The following RGS6 variants were observed in gnomAD, a reference collection of about 807,000 sequenced individuals.
RGS6 encodes the protein regulator of G-protein signaling 6.
Under a neutral mutation model 78.5 loss-of-function variants are expected in RGS6, and 30 were observed. The observed-to-expected ratio is 0.38, with a 90% CI of 0.29 to 0.52. The LOEUF (loss-of-function observed/expected upper bound fraction) is 0.52, where lower values mean the gene tolerates loss of function less well. Among genes scored for constraint, RGS6 ranks in the 20% least tolerant of loss-of-function variants. RGS6 has a pLI of 0.85. For missense variants in RGS6, 495 were observed against 609.7 expected (o/e 0.81, Z 1.98); for synonymous variants, 206 against 206.0 (o/e 1.00, Z 0.00).
At chr14:72,053,527 G>C (rs758469259) in intron 2 of RGS6, among the ~76,000 whole-genome samples, 4 of 152,132 alleles carry the variant, frequency 2.6e-5, no homozygotes, top group Non-Finnish European at 4.4e-5. Context: ...TTCTGATTCA[G>C]TAAGCCTGGA....
At chr14:72,606,415 G>A in the RGS6 span, among the ~76,000 whole-genome samples, 1 of 152,106 alleles carries the variant, frequency 6.6e-6, no homozygotes. Flanking sequence ...TAGCCTTTCT[G>A]CCAACCCAGG....
intron 2 of RGS6, among the ~76,000 whole-genome samples, chr14:72,203,096 C>T (rs938853604): frequency 4.6e-5 from 7 of 152,044 alleles, no homozygotes; most frequent in African/African-American, 9.7e-5. Context: ...AGGATGGTCT[C>T]GATCTCCTGA....
chr14:72,543,437 GTC>G (rs1456258546), intron 17 of RGS6, among the ~76,000 whole-genome samples: 3 of 152,214 alleles, frequency 2.0e-5, no homozygotes, highest in Non-Finnish European at 4.4e-5. Context: ...TTTGGAGCCT[GTC>G]TCTGCCTAAT....
chr14:72,055,563 C>T (rs2093577910), intron 2 of RGS6, among the ~76,000 whole-genome samples: 1 of 152,184 alleles, frequency 6.6e-6, no homozygotes, highest in South Asian at 2.1e-4. Flanking sequence ...ACAGTGGAAT[C>T]CCTTGGAACA....
At chr14:72,571,862 A>G in the RGS6 span, among the ~76,000 whole-genome samples, 1 of 152,248 alleles carries the variant, frequency 6.6e-6, no homozygotes, top group Non-Finnish European at 1.5e-5. Flanking sequence ...GAACACCATC[A>G]ATAAAGTGAA....
intron 2 of RGS6, among the ~76,000 whole-genome samples, chr14:72,090,135 C>G (rs1008619262): frequency 6.9e-6 from 1 of 144,594 alleles, no homozygotes; most frequent in Admixed American, 6.9e-5. Context: ...AAAAATAAAG[C>G]CTTCAACAGT....
intron 2 of RGS6, among the ~76,000 whole-genome samples, chr14:72,084,277 C>A (rs2094937304): frequency 6.6e-6 from 1 of 152,130 alleles, no homozygotes; most frequent in Non-Finnish European, 1.5e-5. Context: ...AATCCAATGC[C>A]CCCACTGATC....
chr14:72,307,133 T>G (rs2067420537), intron 2 of RGS6, among the ~76,000 whole-genome samples: 1 of 152,192 alleles, frequency 6.6e-6, no homozygotes, highest in African/African-American at 2.4e-5. Context: ...GCAAAAAGAT[T>G]ACAACTTGCT....
intron 2 of RGS6, among the ~76,000 whole-genome samples, chr14:72,091,005 A>AAC (rs10640368): frequency 0.87 from 132,234 of 152,008 alleles, 57,854 homozygotes; most frequent in Admixed American, 0.93. Context: ...CCACTAAATA[A>AAC]CCCTCTTTTA....
chr14:72,198,330 C>T lies in RGS6; in HGVS notation c.85-153765C>T, dbSNP rs144822271. ...ATTATGCCACTGCACTCCAGCCTGG[C>T]GACAGAGCAAAACCTTGTCTAAAAA... On this transcript the variant is annotated intron_variant, in intron 2 of 17. Transcript: ENST00000553525. Among the ~76,000 whole-genome samples, 1,001 of 152,292 alleles carry T rather than the reference C, an allele frequency of 6.6e-3. 13 individuals are homozygous for T. The highest frequency in any genetic ancestry group is 0.022 in the African/African-American group (930 of 41,550).
intron 13 of RGS6, among the ~76,000 whole-genome samples, chr14:72,505,203 A>C (rs748171039): frequency 7.2e-5 from 11 of 152,324 alleles, no homozygotes; most frequent in Non-Finnish European, 1.3e-4. Context: ...CTTCTGTCTT[A>C]GTCTGTTAGG....
At chr14:72,506,997 A>AAT (rs1370322160) in intron 13 of RGS6, among the ~76,000 whole-genome samples, 2 of 118,026 alleles carry the variant, frequency 1.7e-5, no homozygotes, top group African/African-American at 1.1e-4. Context: ...AAAAAAAAAA[A>AAT]AAAAAAAAAA....
intron 2 of RGS6, among the ~76,000 whole-genome samples, chr14:72,286,075 G>A (rs1223593398): frequency 6.6e-6 from 1 of 152,146 alleles, no homozygotes; most frequent in East Asian, 1.9e-4. Context: ...TCACATCCAA[G>A]AAATCATTGC....
intron 2 of RGS6, among the ~76,000 whole-genome samples, chr14:72,055,699 G>T (rs1443533089): frequency 6.6e-6 from 1 of 152,088 alleles, no homozygotes; most frequent in Non-Finnish European, 1.5e-5. Flanking sequence ...TGCAGTCAAG[G>T]TTGAGAATCA....
the RGS6 span, chr14:72,612,492 G>T: frequency 3.9e-6 from 2 of 518,660 alleles, no homozygotes; most frequent in Admixed American, 1.9e-5. Flanking sequence ...TGTGCACGGG[G>T]TATATTTTCT....
intron 2 of RGS6, among the ~76,000 whole-genome samples, chr14:72,272,720 T>C (rs993361426): frequency 1.3e-5 from 2 of 152,188 alleles, no homozygotes; most frequent in African/African-American, 2.4e-5. Context: ...TCCCCCTACA[T>C]TGGAAATTAT....
intron 10 of RGS6, among the ~76,000 whole-genome samples, chr14:72,475,830 G>GCGCACACA (rs113920568): frequency 0.014 from 2,063 of 145,652 alleles, 19 homozygotes; most frequent in East Asian, 0.05. Flanking sequence ...AAAAATACAC[G>GCGCACACA]CACACACACA....
At chr14:72,203,909 C>T (rs1263277580) in intron 2 of RGS6, among the ~76,000 whole-genome samples, 2 of 151,416 alleles carry the variant, frequency 1.3e-5, no homozygotes, top group East Asian at 3.9e-4. Context: ...ACTGCAACCT[C>T]CACCTCTCGA....
chr14:72,262,418 G>A (rs918784282), intron 2 of RGS6, among the ~76,000 whole-genome samples: 1 of 152,190 alleles, frequency 6.6e-6, no homozygotes, highest in South Asian at 2.1e-4. Context: ...GTGCACTTAA[G>A]GGAGGGAGAG....
Sources: allele counts gnomAD v4.1 joint callset (sites outside exome capture counted in the v4.1 genomes callset), GRCh38; gene constraint gnomAD v4.1.1; transcripts MANE v1.5; gene names NCBI Gene and HGNC (gene_info 2026-07-23, HGNC 2026-07-21).